LCK: variants seen among roughly 807,000 people sequenced by gnomAD.
The protein encoded by LCK is LCK proto-oncogene, Src family tyrosine kinase.
A neutral mutation model predicts 64.6 loss-of-function variants in LCK; 14 were observed. The observed-to-expected ratio is 0.22, with a 90% CI of 0.14 to 0.34. The LOEUF is 0.34. LCK is among the 10% of genes least tolerant of loss of function. LCK has a pLI of 1.00. For missense variants in LCK, 434 were observed against 668.1 expected, an observed-to-expected ratio of 0.65 and a Z score of 3.86; for synonymous variants, 277 against 263.6, an observed-to-expected ratio of 1.05 and a Z score of -0.49.
chr1:32,276,164 C>T lies in LCK; in HGVS notation c.631+101C>T, dbSNP rs915695588. 1.3e-6 allele frequency: 2 copies of T among 1,493,410 alleles called. No individual in the cohort carries two copies. Among genetic ancestry groups the T allele is most frequent in the Non-Finnish European group, 1.8e-6 (2 of 1,089,628 alleles). 92.5% of individuals were successfully genotyped at this position (1,493,410 alleles called of 1,614,324 possible). ...ATCTTTCAATGCCCTACTCCATTCC[C>T]CGCAGTGGGTGAGGTGTGGAACCTG... is the stretch of plus-strand genomic sequence containing the variant. On this transcript the variant is annotated intron_variant, in intron 7 of 12. Transcript: ENST00000336890. The surrounding 1 kb of genome is among the most constrained non-coding windows in gnomAD (Gnocchi z 4.6).
intron 1 of LCK, among the ~76,000 whole-genome samples, chr1:32,265,002 T>A (rs1270895435): frequency 6.6e-6 from 1 of 151,428 alleles, no homozygotes; most frequent in Admixed American, 6.6e-5. Context: ...AGGTCAGGAG[T>A]TCAAGACCAG....
intron 12 of LCK, among the ~76,000 whole-genome samples, chr1:32,282,075 A>C (rs1640478449): frequency 6.6e-6 from 1 of 152,048 alleles, no homozygotes; most frequent in African/African-American, 2.4e-5. Flanking sequence ...GTTTCAAAAC[A>C]AAAACAAAAA....
chr1:32,279,986 C>T lies in LCK; in HGVS notation c.1187C>T (p.Ala396Val). 6.2e-7 allele frequency: 1 copy of T among 1,614,150 alleles called. No homozygotes were observed. Among genetic ancestry groups the T allele is most frequent in the Non-Finnish European group, 8.5e-7 (1 of 1,180,022 alleles). The stretch of plus-strand genomic sequence containing the variant: ...CTCATTGAGGACAACGAGTACACAG[C>T]CAGGGAGGGTACGTGTGAGATTTAA... ...ARLIEDNEYT[A>V]REGAKFPIKW... Residue 396 changes from alanine (A) to valine (V), a missense_variant, in exon 11 of 13, where the codon GCC (alanine) becomes GTC (valine). Ala to Val is a moderately conservative substitution (Grantham distance 64). Around this residue, in one of 2 missense-constraint regions of LCK, gnomAD observed 201 missense variants for 376.9 expected, o/e 0.53. Transcript: ENST00000336890.
In LCK at chr1:32,275,744, C is replaced by T; in HGVS notation, c.481+72C>T. 1 of 1,444,698 alleles carries T rather than the reference C, an allele frequency of 6.9e-7. No individual in the cohort carries two copies. The highest frequency in any genetic ancestry group is 1.2e-5 in the South Asian group (1 of 80,840). The allele number at this position is 1,444,698 out of a possible 1,614,324, so 89.5% of individuals were successfully genotyped here. The stretch of plus-strand genomic sequence containing the variant: ...TGCCCGAGGGGGGGCGCAGGGTGAG[C>T]CCGAGGTGGAGACACGGGGTGAGTC... On this transcript the variant is annotated intron_variant, in intron 6 of 12. Coordinates refer to ENST00000336890, the MANE Select transcript of LCK (RefSeq NM_005356.5). This position sits in a 1 kb window ranked among gnomAD's most constrained non-coding sequence, Gnocchi z 6.9.
In LCK at chr1:32,273,456, G is replaced by T. The variant is rs573021724; in HGVS notation, c.-5-869G>T. Reference sequence around the variant, plus strand: ...TGTGGCAGAATAGACTGCGGAGGTGGATTTCATCTTGATATGAAAGGTCTG... The same window carrying T: ...TGTGGCAGAATAGACTGCGGAGGTGTATTTCATCTTGATATGAAAGGTCTG... On this transcript the variant is annotated intron_variant, in intron 1 of 12. Coordinates refer to ENST00000336890, the MANE Select transcript of LCK (RefSeq NM_005356.5). Among the ~76,000 whole-genome samples the T allele has an allele frequency of 3.3e-5, 5 of 151,848 alleles. No homozygotes were observed. In the South Asian group the frequency reaches 6.2e-4, roughly 19 times the overall value.
intron 1 of LCK, among the ~76,000 whole-genome samples, chr1:32,272,855 G>A (rs1179748433): frequency 6.8e-6 from 1 of 147,986 alleles, no homozygotes; most frequent in Non-Finnish European, 1.5e-5. Flanking sequence ...ATGCCTGTGT[G>A]TGTGTGTAAG....
chr1:32,284,162 C>A (rs1368134241), intron 12 of LCK, among the ~76,000 whole-genome samples: 1 of 151,178 alleles, frequency 6.6e-6, no homozygotes, highest in Non-Finnish European at 1.5e-5. Context: ...GGATTACAGG[C>A]GTGAGCCACC....
At chr1:32,282,137 T>C (rs551338482) in intron 12 of LCK, among the ~76,000 whole-genome samples, 10 of 152,266 alleles carry the variant, frequency 6.6e-5, no homozygotes, top group Admixed American at 5.2e-4. Context: ...GCCCTGGGCT[T>C]GCCCCAAACC....
At chr1:32,277,472 C>T (rs531493007) in intron 9 of LCK, among the ~76,000 whole-genome samples, 2 of 152,230 alleles carry the variant, frequency 1.3e-5, no homozygotes, top group African/African-American at 4.8e-5. Flanking sequence ...GGCAGATCTG[C>T]CCCCAAAGCC....
In LCK at chr1:32,274,326, G is replaced by A. The variant is rs760570145; in HGVS notation, c.-4G>A. 9 of 1,614,088 alleles carry A rather than the reference G, an allele frequency of 5.6e-6. No individual in the cohort carries two copies. The highest frequency in any genetic ancestry group is 5.9e-6 in the Non-Finnish European group (7 of 1,179,982). On this transcript the variant is annotated splice_region_variant and 5_prime_UTR_variant, in exon 2 of 13. Transcript: ENST00000336890. ...CAGCCCCCTCTTCCATTCCCTCAGG[G>A]ACCATGGGCTGTGGCTGCAGCTCAC... is the stretch of plus-strand genomic sequence containing the variant.
intron 2 of LCK, 84 bp from the exon 3 acceptor site, chr1:32,274,653 C>CT: frequency 8.5e-7 from 1 of 1,176,056 alleles, no homozygotes; most frequent in Non-Finnish European, 1.2e-6. Context: ...GCTGGAGAGG[C>CT]TGAGAGCAGA....
chr1:32,275,234 G>A lies in LCK; in HGVS notation c.279-87G>A, dbSNP rs900565718. ...GTATTGCTGAGCCAGGGTTGGGGGA[G>A]GCTGGCTTAAGGGGTGGAGGGGTCT... On this transcript the variant is annotated intron_variant, in intron 4 of 12. Transcript: ENST00000336890. The surrounding 1 kb of genome is among the most constrained non-coding windows in gnomAD (Gnocchi z 6.9). 13 of 1,506,266 alleles carry A rather than the reference G, an allele frequency of 8.6e-6. No homozygotes were observed. The African/African-American group carries it at 1.5e-4, about 18-fold the overall frequency. 93.3% of individuals were successfully genotyped at this position (1,506,266 alleles called of 1,614,324 possible).
chr1:32,256,552 C>T (rs1299102219), intron 1 of LCK, among the ~76,000 whole-genome samples: 3 of 151,666 alleles, frequency 2.0e-5, no homozygotes, highest in Non-Finnish European at 4.4e-5. Flanking sequence ...GAACCGAGAT[C>T]GTGCCATTGC....
chr1:32,283,431 T>A (rs1640521568), intron 12 of LCK, among the ~76,000 whole-genome samples: 1 of 152,046 alleles, frequency 6.6e-6, no homozygotes, highest in Non-Finnish European at 1.5e-5. Flanking sequence ...GTAAATACCC[T>A]ATAAGGTTTT....
intron 1 of LCK, among the ~76,000 whole-genome samples, chr1:32,267,074 A>G (rs1037868286): frequency 1.3e-5 from 2 of 151,640 alleles, no homozygotes; most frequent in African/African-American, 4.8e-5. Context: ...CAGGATGCTC[A>G]CTACCTCACA....
chr1:32,284,250 T>TGATATATATATATATATATATCTGTGA lies in LCK; in HGVS notation c.1328-1252_1328-1226dup, dbSNP rs1342527203. 3.9e-4 allele frequency among the ~76,000 whole-genome samples: 57 copies of TGATATATATATATATATATATCTGTGA among 147,282 alleles called. No homozygotes were observed. In the East Asian group the frequency reaches 5.9e-3, roughly 15 times the overall value. The stretch of plus-strand genomic sequence containing the variant: ...GCCTGGATAGATTTGATGCTTTCTG[T>TGATATATATATATATATATATCTGTGA]GATATATATATATATATATATCTGT... On this transcript the variant is annotated intron_variant, in intron 12 of 12. Transcript: ENST00000336890.
chr1:32,259,025 A>C (rs76346297), intron 1 of LCK, among the ~76,000 whole-genome samples: 1 of 147,614 alleles, frequency 6.8e-6, no homozygotes, highest in Non-Finnish European at 1.5e-5. Flanking sequence ...TACCATCTCA[A>C]AAAAAAAAAA....
At chr1:32,274,047 C>G in intron 1 of LCK, 2 of 515,860 alleles carry the variant, frequency 3.9e-6, no homozygotes, top group Non-Finnish European at 6.8e-6. Context: ...ACTAGACTAA[C>G]AAAGGTGCCT....
chr1:32,267,377 A>ATT lies in LCK; in HGVS notation c.-5-6948_-5-6947insTT, dbSNP rs1189774785. Among the ~76,000 whole-genome samples the ATT allele has an allele frequency of 1.6e-3, 245 of 152,346 alleles. 1 individual carries two copies. Among genetic ancestry groups the ATT allele is most frequent in the African/African-American group, 5.6e-3 (234 of 41,578 alleles). On this transcript the variant is annotated intron_variant, in intron 1 of 12. Transcript: ENST00000336890. The stretch of plus-strand genomic sequence containing the variant: ...AGGTCATGTTTGTTTAACTTACATG[A>ATT]ATAAGGTCAGGAAACACTCATGCTC...
Sources: gnomAD v4.1 joint callset for allele counts (sites outside exome capture counted in the v4.1 genomes callset) on GRCh38, gnomAD v4.1.1 for gene constraint, gnomAD v4.1.1 regional missense constraint, Gnocchi (gnomAD v3.1) non-coding constraint, MANE v1.5 for transcripts, NCBI Gene and HGNC (gene_info 2026-07-23, HGNC 2026-07-21) for gene names.